ADCY9: variants seen among roughly 807,000 people sequenced by gnomAD.
ADCY9 encodes the protein adenylate cyclase 9, also known as adenylate cyclase type 9.
In ADCY9, 50 loss-of-function variants were observed where a neutral mutation model predicts 101.5. The observed-to-expected ratio is 0.49, with a 90% CI of 0.39 to 0.62. The LOEUF (loss-of-function observed/expected upper bound fraction) is 0.62, where lower values mean the gene tolerates loss of function less well. Among genes scored for constraint, ADCY9 ranks in the 20% least tolerant of loss-of-function variants. ADCY9 has a pLI of 0.00. For synonymous variants in ADCY9, 905 were observed against 769.3 expected (o/e 1.18, Z -2.92); for missense variants, 1,662 against 1,800.4 (o/e 0.92, Z 1.39).
At chr16:4,050,527 C>T (rs944122475) in intron 2 of ADCY9, among the ~76,000 whole-genome samples, 5 of 151,866 alleles carry the variant, frequency 3.3e-5, no homozygotes, top group African/African-American at 1.2e-4. Flanking sequence ...CCAGCCTGAC[C>T]AACATGGTGA....
rs141629626 is a variant in ADCY9 at position 3,982,867 on chromosome 16, G to A, written c.2519+365C>T. ...TTTGGCTCCGGTACTCTGAAGAGGC[G>A]CCTGCTGTCCCAGGCCCACTACCCC... On this transcript the variant is annotated intron_variant, in intron 7 of 10. Transcript: ENST00000294016. 134 of 244,830 alleles carry A rather than the reference G, an allele frequency of 5.5e-4. 3 individuals are homozygous for A. The East Asian group carries it at 8.9e-3, about 16-fold the overall frequency. 15.2% of individuals were successfully genotyped at this position (244,830 alleles called of 1,614,324 possible). A position where few individuals can be genotyped will look rare whatever the true frequency, so the allele number is the denominator to read the frequency against.
At chr16:4,015,442 C>G (rs1015477759) in intron 2 of ADCY9, 5 of 151,990 alleles carry the variant, frequency 3.3e-5, no homozygotes, top group African/African-American at 1.2e-4. Context: ...GAGACGACAC[C>G]CAGCACACCC....
chr16:3,992,755 G>A lies in ADCY9; in HGVS notation c.1990-392C>T, dbSNP rs570541478. On this transcript the variant is annotated intron_variant, in intron 4 of 10. Transcript: ENST00000294016. The surrounding 1 kb of genome is among the most constrained non-coding windows in gnomAD (Gnocchi z 4.2). ...GTCGGGGGTCCAGGAGAAGTATGAC[G>A]AGGGGTCCAGGGCTGTCAGGGCACA... Among the ~76,000 whole-genome samples the A allele has an allele frequency of 3.2e-4, 48 of 152,284 alleles. No individual in the cohort carries two copies. Among genetic ancestry groups the A allele is most frequent in the Middle Eastern group, 3.4e-3 (1 of 294 alleles).
In ADCY9 at chr16:3,985,431, C is replaced by A. The variant is rs2238442; in HGVS notation, c.2311-1991G>T. On this transcript the variant is annotated intron_variant, in intron 6 of 10. Transcript: ENST00000294016. The stretch of plus-strand genomic sequence containing the variant: ...GATTACAGGCCTGAGCCACTGTACC[C>A]GGCCAGGTGTAGGAATTTCAGGGGC... Among the ~76,000 whole-genome samples the A allele has an allele frequency of 2.3e-4, 35 of 152,188 alleles. 1 individual carries two copies. The highest frequency in any genetic ancestry group is 8.4e-4 in the African/African-American group (35 of 41,532).
downstream of ADCY9, among the ~76,000 whole-genome samples, chr16:3,959,980 C>A (rs1305269551): frequency 1.3e-5 from 2 of 152,040 alleles, no homozygotes; most frequent in Admixed American, 6.5e-5. Flanking sequence ...GAGCTGAGAT[C>A]GTGCCACTGC....
At chr16:3,988,445 GGTGGGGGGTTCCCTTCCAGGGCAGGT>G (rs1567425423) in intron 6 of ADCY9, among the ~76,000 whole-genome samples, 7 of 126,008 alleles carry the variant, frequency 5.6e-5, no homozygotes, top group Non-Finnish European at 9.3e-5. Context: ...TTCCAGGGCA[GGTGGGGGGTTCCCTTCCAGGGCAGGT>G]GTGGGGGATT....
Position 4,114,746 on chromosome 16 carries a change from A to G in ADCY9, c.697T>C (p.Leu233=), listed in dbSNP as rs1480742520. ...SFSMCIEVLF[L]LYTVMHLPLY... ...GGTAAGTGCATGACGGTATAGAGCA[A>G]AAAGAGCACTTCGATGCACATGGAG... The change falls in exon 2 of 11, where the codon TTG becomes CTG. Residue 233 remains leucine, a synonymous_variant. Coordinates refer to ENST00000294016, the MANE Select transcript of ADCY9 (RefSeq NM_001116.4). This position sits in a 1 kb window ranked among gnomAD's most constrained non-coding sequence, Gnocchi z 4.3. 1 of 1,613,062 alleles carries G rather than the reference A, an allele frequency of 6.2e-7. No individual in the cohort carries two copies. The highest frequency in any genetic ancestry group is 8.5e-7 in the Non-Finnish European group (1 of 1,180,032).
intron 6 of ADCY9, among the ~76,000 whole-genome samples, chr16:3,986,376 C>T (rs1597146267): frequency 2.0e-5 from 3 of 152,302 alleles, no homozygotes; most frequent in Admixed American, 2.0e-4. Flanking sequence ...TCGGTAACAG[C>T]CTCCCACCTG....
In ADCY9 at chr16:3,965,315, A is replaced by G. The variant is rs1045475; in HGVS notation, c.*460T>C. ...ACATAGAGAGGTCGGGTCGTAGAGGAACACTGTGACATAGACAGAAACAAA... is the reference window on the plus strand; with the variant it reads ...ACATAGAGAGGTCGGGTCGTAGAGGGACACTGTGACATAGACAGAAACAAA... On this transcript the variant is annotated 3_prime_UTR_variant, in exon 11 of 11. Transcript: ENST00000294016. 120,471 of 175,650 alleles carry G rather than the reference A, an allele frequency of 0.69. 44,907 individuals carry two copies. Among genetic ancestry groups the G allele is most frequent in the Non-Finnish European group, 0.83 (67,824 of 82,162 alleles). 10.9% of individuals were successfully genotyped at this position (175,650 alleles called of 1,614,324 possible).
intron 2 of ADCY9, among the ~76,000 whole-genome samples, chr16:4,062,341 G>A (rs927868313): frequency 6.6e-6 from 1 of 152,150 alleles, no homozygotes; most frequent in African/African-American, 2.4e-5. Flanking sequence ...AGAACAAAAA[G>A]ATGTGAGACA....
intron 2 of ADCY9, among the ~76,000 whole-genome samples, chr16:4,057,432 CAGAA>C (rs1425071895): frequency 3.3e-5 from 5 of 152,192 alleles, no homozygotes; most frequent in African/African-American, 1.2e-4. Context: ...TTCATCACCC[CAGAA>C]AGAAACTCCG....
chr16:4,078,868 G>A (rs2141176893), intron 2 of ADCY9, among the ~76,000 whole-genome samples: 1 of 152,178 alleles, frequency 6.6e-6, no homozygotes, highest in East Asian at 1.9e-4. Context: ...CAATTCACAA[G>A]CAACTCATGA....
At chr16:4,055,527 CTG>C (rs1336434397) in intron 2 of ADCY9, among the ~76,000 whole-genome samples, 1 of 148,860 alleles carries the variant, frequency 6.7e-6, no homozygotes, top group Non-Finnish European at 1.5e-5. Context: ...GAGCAAGACT[CTG>C]TCTCAAAAAG....
Position 4,010,590 on chromosome 16 carries a change from G to A in ADCY9, c.1694-3032C>T, listed in dbSNP as rs111371476. On this transcript the variant is annotated intron_variant, in intron 2 of 10. Transcript: ENST00000294016. Reference sequence around the variant, plus strand: ...GGGACGATGTGTGACTATTTTGGCCGAGATCGTGACCTGTGTGGAGCCCAT... The same window carrying A: ...GGGACGATGTGTGACTATTTTGGCCAAGATCGTGACCTGTGTGGAGCCCAT... Among the ~76,000 whole-genome samples the A allele has an allele frequency of 8.5e-5, 13 of 152,292 alleles. 2 individuals carry two copies. The highest frequency in any genetic ancestry group is 1.4e-4 in the African/African-American group (6 of 41,572).
intron 2 of ADCY9, among the ~76,000 whole-genome samples, 180 bp from the exon 3 acceptor site, chr16:4,007,738 A>G (rs1025541688): frequency 6.6e-6 from 1 of 152,008 alleles, no homozygotes; most frequent in Non-Finnish European, 1.5e-5. Flanking sequence ...GGCCTCAGGG[A>G]GACCGTGGGC....
chr16:4,107,603 A>G (rs2057085985), intron 2 of ADCY9, among the ~76,000 whole-genome samples: 1 of 150,576 alleles, frequency 6.6e-6, no homozygotes, highest in Non-Finnish European at 1.5e-5. Context: ...TCAACACAGA[A>G]TTTCCAAGCA....
chr16:4,055,114 T>C (rs1597196482), intron 2 of ADCY9, among the ~76,000 whole-genome samples: 1 of 151,616 alleles, frequency 6.6e-6, no homozygotes, highest in Non-Finnish European at 1.5e-5. Context: ...GCAGAGGAGG[T>C]GGGAGTACAG....
At chr16:3,956,655 T>A (rs892271385) in intron 5 of ADCY9, among the ~76,000 whole-genome samples, 7 of 121,882 alleles carry the variant, frequency 5.7e-5, no homozygotes, top group Admixed American at 2.6e-4. Flanking sequence ...CACACCTGGC[T>A]AATTTTTTTT....
At chr16:3,972,804 T>A (rs1407500707) in intron 10 of ADCY9, among the ~76,000 whole-genome samples, 1 of 151,798 alleles carries the variant, frequency 6.6e-6, no homozygotes, top group Admixed American at 6.6e-5. Flanking sequence ...GGAGGGCTTC[T>A]GGGGTAGTGG....
Sources: allele counts gnomAD v4.1 joint callset (sites outside exome capture counted in the v4.1 genomes callset), GRCh38; gene constraint gnomAD v4.1.1; non-coding constraint Gnocchi (gnomAD v3.1); transcripts MANE v1.5; gene names NCBI Gene and HGNC (gene_info 2026-07-23, HGNC 2026-07-21).